Variants in MYO3B observed in about 807,000 individuals in gnomAD.
MYO3B encodes the protein myosin IIIB, also known as myosin-IIIb.
In MYO3B, 156 loss-of-function variants were observed where a neutral mutation model predicts 174.6. The observed-to-expected ratio is 0.89, with a 90% CI of 0.78 to 1.02. The LOEUF is 1.02. MYO3B is among the 50% of genes least tolerant of loss of function. The pLI is 0.00. For missense variants in MYO3B, 1,632 were observed against 1,639.4 expected (o/e 1.00, Z 0.08); for synonymous variants, 563 against 569.1 (o/e 0.99, Z 0.15).
chr2:170,228,960 C>CAAAAAAAAAA (rs539746576), intron 6 of MYO3B, among the ~76,000 whole-genome samples: 4 of 98,324 alleles, frequency 4.1e-5, no homozygotes, highest in Non-Finnish European at 4.3e-5. Context: ...ATTCCCTTTA[C>CAAAAAAAAAA]AAAAAAAAAA....
chr2:170,561,611 AT>A (rs1199381274), intron 32 of MYO3B, among the ~76,000 whole-genome samples: 1 of 152,222 alleles, frequency 6.6e-6, no homozygotes, highest in African/African-American at 2.4e-5. Flanking sequence ...CAGGTTAAGA[AT>A]TCTTGTACTA....
At chr2:170,615,029 CT>C (rs1695363084) in intron 32 of MYO3B, among the ~76,000 whole-genome samples, 1 of 152,080 alleles carries the variant, frequency 6.6e-6, no homozygotes, top group African/African-American at 2.4e-5. Context: ...ATTAAATGAC[CT>C]CCCTGCCTCT....
At chr2:170,432,923 T>C (rs1301195603) in intron 22 of MYO3B, among the ~76,000 whole-genome samples, 2 of 152,124 alleles carry the variant, frequency 1.3e-5, no homozygotes, top group Non-Finnish European at 2.9e-5. Flanking sequence ...GTGTGCAGTA[T>C]TTATAAAGTC....
At chr2:170,306,132 T>C (rs1006964442) in intron 7 of MYO3B, among the ~76,000 whole-genome samples, 1 of 152,202 alleles carries the variant, frequency 6.6e-6, no homozygotes, top group Non-Finnish European at 1.5e-5. Context: ...TCCCGCTTCC[T>C]ATGCTTGTGG....
chr2:170,234,605 C>G (rs2093051239), intron 6 of MYO3B, among the ~76,000 whole-genome samples: 1 of 152,172 alleles, frequency 6.6e-6, no homozygotes, highest in Non-Finnish European at 1.5e-5. Context: ...TCTCACCAGG[C>G]TAAAATACTC....
intron 1 of MYO3B, among the ~76,000 whole-genome samples, chr2:170,197,648 G>A (rs536516653): frequency 6.6e-6 from 1 of 152,214 alleles, no homozygotes; most frequent in South Asian, 2.1e-4. Flanking sequence ...ACTTCACTTT[G>A]CCATCTCACC....
intron 6 of MYO3B, among the ~76,000 whole-genome samples, chr2:170,218,776 C>T (rs1336071340): frequency 6.6e-6 from 1 of 152,164 alleles, no homozygotes; most frequent in Admixed American, 6.5e-5. Context: ...TATGTTTTTA[C>T]TCCTCCTTCT....
chr2:170,220,709 G>A (rs888579383), intron 6 of MYO3B, among the ~76,000 whole-genome samples: 7 of 151,900 alleles, frequency 4.6e-5, no homozygotes, highest in African/African-American at 1.7e-4. Context: ...AGATTCCCTG[G>A]AAGTGGTTCC....
At chr2:170,344,331 T>C (rs942316128) in intron 8 of MYO3B, 29 of 152,092 alleles carry the variant, frequency 1.9e-4, no homozygotes, top group African/African-American at 7.0e-4. Context: ...CCTGGTGTGG[T>C]GGTGGGTACC....
intron 27 of MYO3B, among the ~76,000 whole-genome samples, chr2:170,501,101 A>T (rs1400776174): frequency 7.5e-6 from 1 of 134,000 alleles, no homozygotes; most frequent in Non-Finnish European, 1.6e-5. Context: ...CAAAGACATT[A>T]TGCTCCTCGT....
intron 22 of MYO3B, among the ~76,000 whole-genome samples, chr2:170,431,497 C>A (rs1405441746): frequency 6.6e-6 from 1 of 152,166 alleles, no homozygotes; most frequent in African/African-American, 2.4e-5. Context: ...AATTTGAGAT[C>A]TCTGGGTCAC....
At chr2:170,553,240 CA>C (rs753322044) in intron 32 of MYO3B, among the ~76,000 whole-genome samples, 1 of 152,106 alleles carries the variant, frequency 6.6e-6, no homozygotes, top group Non-Finnish European at 1.5e-5. Context: ...GTAGATCTAC[CA>C]ATACCTTGCA....
intron 22 of MYO3B, among the ~76,000 whole-genome samples, chr2:170,422,032 G>T (rs1283795701): frequency 6.6e-6 from 1 of 152,192 alleles, no homozygotes; most frequent in Non-Finnish European, 1.5e-5. Context: ...TACCTGAACT[G>T]GTACTTTGCA....
At chr2:170,652,784 C>G (rs1002638264) in intron 34 of MYO3B, among the ~76,000 whole-genome samples, 199 bp from the exon 35 acceptor site, 1 of 152,174 alleles carries the variant, frequency 6.6e-6, no homozygotes, top group African/African-American at 2.4e-5. Flanking sequence ...CAGTGCACGA[C>G]CCAAAGGTGA....
Position 170,653,128 on chromosome 2 carries a change from C to G in MYO3B, c.*7C>G, listed in dbSNP as rs1333991778. On this transcript the variant is annotated 3_prime_UTR_variant, in exon 35 of 35. Coordinates refer to ENST00000408978, the MANE Select transcript of MYO3B (RefSeq NM_138995.5). ...CTCTTTTGCTCAACATTAAATTGTGCTTCCTAACCCTAAATCTGTCCAGAG... is the reference window on the plus strand; with the variant it reads ...CTCTTTTGCTCAACATTAAATTGTGGTTCCTAACCCTAAATCTGTCCAGAG... 10 of 1,613,914 alleles carry G rather than the reference C, an allele frequency of 6.2e-6. No homozygotes were observed. In the Admixed American group the frequency reaches 1.7e-4, roughly 27 times the overall value.
intron 22 of MYO3B, 123 bp from the exon 23 acceptor site, chr2:170,443,844 A>T: frequency 1.8e-6 from 1 of 542,708 alleles, no homozygotes. Context: ...TCCAAATTTT[A>T]AAAATTCAGA....
chr2:170,405,804 T>C (rs1292047228), intron 21 of MYO3B, among the ~76,000 whole-genome samples, 171 bp downstream of exon 21: 1 of 152,350 alleles, frequency 6.6e-6, no homozygotes, highest in East Asian at 1.9e-4. Flanking sequence ...TCACAGAAAG[T>C]TGCCCCTGGC....
At chr2:170,541,027 A>G (rs932599213) in intron 30 of MYO3B, among the ~76,000 whole-genome samples, 17 of 152,166 alleles carry the variant, frequency 1.1e-4, no homozygotes, top group African/African-American at 4.1e-4. Flanking sequence ...ACACACAAAC[A>G]TTACATTGAG....
intron 7 of MYO3B, among the ~76,000 whole-genome samples, chr2:170,279,296 G>A (rs1435826076): frequency 6.6e-6 from 1 of 151,972 alleles, no homozygotes; most frequent in Non-Finnish European, 1.5e-5. Flanking sequence ...CAGCACATTT[G>A]TTATTTTTTG....
Sources: allele counts gnomAD v4.1 joint callset (sites outside exome capture counted in the v4.1 genomes callset), GRCh38; gene constraint gnomAD v4.1.1; transcripts MANE v1.5; gene names NCBI Gene and HGNC (gene_info 2026-07-23, HGNC 2026-07-21).